Variants in TP53BP1 observed in about 807,000 individuals in gnomAD.
TP53BP1 encodes TP53-binding protein 1.
In TP53BP1, 61 loss-of-function variants were observed where a neutral mutation model predicts 200.8. That is an observed-to-expected ratio of 0.30 (90% confidence interval 0.25 to 0.38). The LOEUF (loss-of-function observed/expected upper bound fraction) is 0.38. Among genes scored for constraint, TP53BP1 ranks in the 10% least tolerant of loss-of-function variants. The pLI, the probability that TP53BP1 is intolerant of heterozygous loss-of-function variation, is 1.00. For missense variants in TP53BP1, 2,144 were observed against 2,371.9 expected, an observed-to-expected ratio of 0.90 and a Z score of 2.00; for synonymous variants, 822 against 844.3, an observed-to-expected ratio of 0.97 and a Z score of 0.46.
At chr15:43,426,813 G>C (rs2045546078) in intron 18 of TP53BP1, among the ~76,000 whole-genome samples, 2 of 150,880 alleles carry the variant, frequency 1.3e-5, no homozygotes, top group Admixed American at 1.3e-4. Flanking sequence ...TTCAAGACCA[G>C]CCTGGCCAAG....
intron 24 of TP53BP1, among the ~76,000 whole-genome samples, chr15:43,410,281 A>C (rs538089353): frequency 6.6e-6 from 1 of 152,320 alleles, no homozygotes; most frequent in Non-Finnish European, 1.5e-5. Context: ...TGCTCAATGA[A>C]ATATGGTTTT....
chr15:43,407,076 G>T lies in TP53BP1; in HGVS notation c.*307C>A. 1 of 293,146 alleles carries T rather than the reference G, an allele frequency of 3.4e-6. No homozygotes were observed. The allele number at this position is 293,146 out of a possible 1,614,324, so 18.2% of individuals were successfully genotyped here. A position where few individuals can be genotyped will look rare whatever the true frequency, so the allele number is the denominator to read the frequency against. On this transcript the variant is annotated 3_prime_UTR_variant, in exon 28 of 28. Transcript: ENST00000382044. The stretch of plus-strand genomic sequence containing the variant: ...TTTGGGAATGATGCCACAGAATAAA[G>T]TTCACTCTTAACTTTTCAATTTCCT...
rs760962996 is a variant in TP53BP1 at position 43,469,894 on chromosome 15, C to A, written c.1353G>T (p.Gly451=). Residue 451 remains glycine (G), a synonymous_variant, in exon 11 of 28, where the codon GGG becomes GGT. Coordinates refer to ENST00000382044, the MANE Select transcript of TP53BP1 (RefSeq NM_001141980.3). The part of the protein sequence containing the change: ...ISQSTPVFPP[G]SLPIPSQPQF... ...GAGGCTGGGATGGGATAGGAAGTGA[C>A]CCAGGAGGGAAGACTGGTGTGCTCT... 1.2e-6 allele frequency: 2 copies of A among 1,613,864 alleles called. No homozygotes were observed. Among genetic ancestry groups the A allele is most frequent in the African/African-American group, 1.3e-5 (1 of 75,008 alleles).
At chr15:43,421,236 C>T in intron 19 of TP53BP1, 62 bp from the exon 20 acceptor site, 3 of 1,570,280 alleles carry the variant, frequency 1.9e-6, no homozygotes, top group Non-Finnish European at 2.6e-6. Flanking sequence ...TTCACAAAGT[C>T]TCCCCTTGGC....
chr15:43,487,960 C>A (rs2079069120), intron 4 of TP53BP1, among the ~76,000 whole-genome samples: 1 of 152,080 alleles, frequency 6.6e-6, no homozygotes, highest in Non-Finnish European at 1.5e-5. Context: ...ACTATTGATA[C>A]ATGCAAAAAC....
At chr15:43,421,273 G>A (rs1452715464) in intron 19 of TP53BP1, 99 bp from the exon 20 acceptor site, 16 of 1,304,154 alleles carry the variant, frequency 1.2e-5, no homozygotes, top group Non-Finnish European at 1.7e-5. Context: ...AGGCCTACAT[G>A]TGCTGAGCCT....
chr15:43,480,786 A>T, intron 5 of TP53BP1, 109 bp downstream of exon 5: 1 of 1,216,194 alleles, frequency 8.2e-7, no homozygotes, highest in Non-Finnish European at 1.2e-6. Flanking sequence ...CTCTCAATTT[A>T]ATTATGAGAA....
chr15:43,476,759 G>A (rs2078888851), intron 8 of TP53BP1, among the ~76,000 whole-genome samples: 1 of 152,148 alleles, frequency 6.6e-6, no homozygotes, highest in African/African-American at 2.4e-5. Flanking sequence ...AACATAATAT[G>A]TTTTGCTGGT....
intron 16 of TP53BP1, among the ~76,000 whole-genome samples, chr15:43,436,918 T>C (rs966784510): frequency 8.6e-5 from 13 of 151,856 alleles, no homozygotes; most frequent in African/African-American, 2.9e-4. Flanking sequence ...TTCTAGCACG[T>C]TGGGAAGATG....
chr15:43,459,977 C>A (rs2046392275), intron 11 of TP53BP1, among the ~76,000 whole-genome samples: 1 of 152,126 alleles, frequency 6.6e-6, no homozygotes, highest in African/African-American at 2.4e-5. Flanking sequence ...GGGAGATCAA[C>A]CACAAAAGGT....
intron 1 of TP53BP1, among the ~76,000 whole-genome samples, chr15:43,498,464 A>G (rs1379185439): frequency 6.6e-6 from 1 of 152,234 alleles, no homozygotes; most frequent in Non-Finnish European, 1.5e-5. Context: ...GAATCTGATC[A>G]TGAGAAAAAA....
At chr15:43,498,536 A>G (rs988076424) in intron 1 of TP53BP1, among the ~76,000 whole-genome samples, 1 of 151,650 alleles carries the variant, frequency 6.6e-6, no homozygotes, top group African/African-American at 2.4e-5. Context: ...CCAAAGAGAA[A>G]GAGAGAGAGA....
At chr15:43,461,295 C>CTG (rs2046423306) in intron 11 of TP53BP1, among the ~76,000 whole-genome samples, 1 of 151,974 alleles carries the variant, frequency 6.6e-6, no homozygotes, top group South Asian at 2.1e-4. Context: ...TCATGGCTCA[C>CTG]TGCAGTCTTG....
intron 25 of TP53BP1, 44 bp downstream of exon 25, chr15:43,409,603 C>CA (rs754724534): frequency 9.0e-7 from 1 of 1,110,478 alleles, no homozygotes; most frequent in South Asian, 1.7e-5. Context: ...CAAGTTGGCT[C>CA]TTATCATTGC....
intron 4 of TP53BP1, 129 bp downstream of exon 4, chr15:43,491,540 C>T (rs984784998): frequency 1.5e-5 from 11 of 756,020 alleles, no homozygotes; most frequent in South Asian, 9.0e-5. Flanking sequence ...TCTAATACAA[C>T]CCTCAAGTCC....
intron 4 of TP53BP1, among the ~76,000 whole-genome samples, chr15:43,482,750 A>G (rs749324283): frequency 2.0e-5 from 3 of 151,992 alleles, no homozygotes; most frequent in Non-Finnish European, 4.4e-5. Flanking sequence ...CCTGGGAGAC[A>G]TGGCGAGACT....
intron 10 of TP53BP1, among the ~76,000 whole-genome samples, chr15:43,472,599 A>G (rs1284045492): frequency 6.6e-6 from 1 of 152,228 alleles, no homozygotes; most frequent in Admixed American, 6.5e-5. Context: ...TCTTATGCTA[A>G]AACTATTTTA....
chr15:43,417,530 A>G (rs568217251), intron 21 of TP53BP1, among the ~76,000 whole-genome samples: 277 of 152,374 alleles, frequency 1.8e-3, no homozygotes, highest in Non-Finnish European at 3.1e-3. Context: ...TACTAGAACT[A>G]GAAGTAGTCT....
chr15:43,403,886 G>C lies in TP53BP1; in HGVS notation c.*3497C>G, dbSNP rs1218281321. The C allele has an allele frequency of 2.2e-6, 2 of 921,458 alleles. No individual in the cohort carries two copies. Among genetic ancestry groups the C allele is most frequent in the Non-Finnish European group, 3.6e-6 (2 of 560,544 alleles). 57.1% of individuals were successfully genotyped at this position (921,458 alleles called of 1,614,324 possible). A position where few individuals can be genotyped will look rare whatever the true frequency, so the allele number is the denominator to read the frequency against. ...AATTCATGATCTTTCCTCTGAGTCA[G>C]TAAAGCATTTCCTCAATACACACAC... is the stretch of plus-strand genomic sequence containing the variant. On this transcript the variant is annotated 3_prime_UTR_variant, in exon 28 of 28. Transcript: ENST00000382044.
Sources: allele counts gnomAD v4.1 joint callset (sites outside exome capture counted in the v4.1 genomes callset), GRCh38; gene constraint gnomAD v4.1.1; transcripts MANE v1.5; gene names NCBI Gene and HGNC (gene_info 2026-07-23, HGNC 2026-07-21).